STRADA: variants seen among roughly 807,000 people sequenced by gnomAD.
The protein encoded by STRADA is STE20-related kinase adapter protein alpha.
STRADA carries 26 observed loss-of-function variants against 55.0 expected under a neutral mutation model. The observed-to-expected ratio is 0.47, with a 90% CI of 0.35 to 0.66. STRADA has a LOEUF of 0.66. STRADA is among the 30% of genes least tolerant of loss of function. The pLI is 0.01. For synonymous variants in STRADA, 197 were observed against 210.9 expected (o/e 0.93, Z 0.57); for missense variants, 443 against 549.7 (o/e 0.81, Z 1.94).
chr17:63,741,108 G>C (rs2038908906), intron 1 of STRADA: 1 of 141,378 alleles, frequency 7.1e-6, no homozygotes, highest in Non-Finnish European at 1.6e-5. Flanking sequence ...GGATACAGGA[G>C]AAGGCTGGGC....
intron 6 of STRADA, among the ~76,000 whole-genome samples, chr17:63,712,228 T>C (rs2036548039): frequency 1.3e-5 from 2 of 152,122 alleles, no homozygotes; most frequent in South Asian, 4.1e-4. Context: ...CCGTTTTGTT[T>C]TGTTTTATTT....
chr17:63,731,244 T>C (rs940760607), intron 1 of STRADA, among the ~76,000 whole-genome samples: 31 of 138,876 alleles, frequency 2.2e-4, no homozygotes, highest in Non-Finnish European at 3.5e-4. Context: ...CACCTGGCCC[T>C]GATATTCTTT....
At chr17:63,705,728 T>C (rs985777443) in intron 10 of STRADA, 3 of 152,342 alleles carry the variant, frequency 2.0e-5, no homozygotes, top group African/African-American at 7.2e-5. Context: ...TGGCCATTTA[T>C]ACCATTTACA....
chr17:63,718,397 C>T (rs557336990), intron 4 of STRADA, among the ~76,000 whole-genome samples: 2 of 152,326 alleles, frequency 1.3e-5, no homozygotes, highest in South Asian at 4.1e-4. Context: ...GACAACTCTC[C>T]ATCGGTTTAG....
At chr17:63,732,891 T>C (rs1255123907) in intron 1 of STRADA, among the ~76,000 whole-genome samples, 1 of 151,700 alleles carries the variant, frequency 6.6e-6, no homozygotes, top group Non-Finnish European at 1.5e-5. Context: ...CTAAAAACCA[T>C]TTTCTTTTTG....
In STRADA at chr17:63,710,540, C is replaced by T. The variant is rs1451479267; in HGVS notation, c.532G>A (p.Gly178Arg). ...ATGTAGTCGAGGGCCTTCAGCACCC[C>T]CTGCAGGATGTAAGCAATCGCCAGC... ...NELAIAYILQGVLKALDYIHH... is the reference protein window; with the variant it reads ...NELAIAYILQRVLKALDYIHH... Residue 178 changes from glycine (G) to arginine (R), a missense_variant, in exon 8 of 13, where the codon GGG becomes AGG. Coordinates refer to ENST00000336174, the MANE Select transcript of STRADA (RefSeq NM_001003787.4). The T allele has an allele frequency of 2.5e-6, 4 of 1,613,840 alleles. No homozygotes were observed. The highest frequency in any genetic ancestry group is 1.3e-5 in the African/African-American group (1 of 74,882).
chr17:63,706,877 G>A, intron 9 of STRADA, 138 bp from the exon 10 acceptor site: 2 of 675,190 alleles, frequency 3.0e-6, no homozygotes, highest in Admixed American at 2.8e-5. Context: ...CTGTGCTACT[G>A]AAGACTAACT....
intron 8 of STRADA, among the ~76,000 whole-genome samples, chr17:63,709,410 A>G (rs113378958): frequency 4.6e-5 from 7 of 152,168 alleles, no homozygotes; most frequent in East Asian, 3.9e-4. Context: ...TGTAAACTTC[A>G]TATCTTTGGC....
At chr17:63,712,827 C>G (rs1303946111) in intron 6 of STRADA, among the ~76,000 whole-genome samples, 1 of 151,630 alleles carries the variant, frequency 6.6e-6, no homozygotes. Context: ...ATGAAGAAAC[C>G]CCGTCTTTTC....
chr17:63,735,944 CTTTTT>C (rs937790937), intron 1 of STRADA, among the ~76,000 whole-genome samples: 1 of 149,388 alleles, frequency 6.7e-6, no homozygotes, highest in Non-Finnish European at 1.5e-5. Flanking sequence ...TTCTATTCCT[CTTTTT>C]TTTTTGAGAC....
chr17:63,708,200 CTTGTTGTTG>C (rs540530382), intron 8 of STRADA, among the ~76,000 whole-genome samples: 70 of 150,896 alleles, frequency 4.6e-4, no homozygotes, highest in Middle Eastern at 3.5e-3. Context: ...GTTTTTTGTT[CTTGTTGTTG>C]TTGTTGTTGA....
chr17:63,741,531 T>A (rs941039195), intron 1 of STRADA: 3 of 152,982 alleles, frequency 2.0e-5, no homozygotes, highest in Admixed American at 1.3e-4. Context: ...CTTCAGCGTC[T>A]CCCCGCCAGG....
At chr17:63,735,549 T>A (rs945900583) in intron 1 of STRADA, among the ~76,000 whole-genome samples, 5 of 152,220 alleles carry the variant, frequency 3.3e-5, no homozygotes, top group Non-Finnish European at 7.3e-5. Flanking sequence ...AAGATTAGAT[T>A]TCAGGTTTCT....
In STRADA at chr17:63,710,517, G is replaced by A; in HGVS notation, c.555C>T (p.Tyr185=). ...ILQGVLKALD[Y]IHHMGYVHRS... is the part of the protein sequence containing the mutation. ...TGTGTACATATCCCATGTGGTGGAT[G>A]TAGTCGAGGGCCTTCAGCACCCCCT... The change falls in exon 8 of 13, where the codon TAC becomes TAT. Residue 185 remains tyrosine, a synonymous_variant. Coordinates refer to ENST00000336174, the MANE Select transcript of STRADA (RefSeq NM_001003787.4). 1.2e-6 allele frequency: 2 copies of A among 1,613,934 alleles called. No individual in the cohort carries two copies. The highest frequency in any genetic ancestry group is 1.7e-6 in the Non-Finnish European group (2 of 1,179,882).
At chr17:63,718,451 A>G (rs2037056110) in intron 4 of STRADA, among the ~76,000 whole-genome samples, 1 of 152,112 alleles carries the variant, frequency 6.6e-6, no homozygotes, top group Admixed American at 6.6e-5. Context: ...CATTTTCTCA[A>G]CCTTATATAC....
chr17:63,718,115 G>A (rs535472454), intron 4 of STRADA, among the ~76,000 whole-genome samples: 6 of 152,120 alleles, frequency 3.9e-5, no homozygotes, highest in African/African-American at 1.2e-4. Context: ...TAGAGATGAG[G>A]TCTCCCTATG....
intron 1 of STRADA, among the ~76,000 whole-genome samples, chr17:63,735,203 C>T (rs1010680246): frequency 6.6e-6 from 1 of 152,042 alleles, no homozygotes; most frequent in Non-Finnish European, 1.5e-5. Context: ...CTATACAAAT[C>T]GTAAGAATAA....
At chr17:63,728,211 C>T (rs2037783382) in intron 2 of STRADA, 123 bp downstream of exon 2, 4 of 859,990 alleles carry the variant, frequency 4.7e-6, no homozygotes, top group Non-Finnish European at 7.2e-6. Flanking sequence ...GCCTTACTTC[C>T]TACATCCCTC....
At chr17:63,725,163 C>T (rs1347089762) in intron 3 of STRADA, among the ~76,000 whole-genome samples, 1 of 151,690 alleles carries the variant, frequency 6.6e-6, no homozygotes, top group Non-Finnish European at 1.5e-5. Flanking sequence ...ACCCGGGAGG[C>T]GGAGTTTGCA....
Sources: gnomAD v4.1 joint callset for allele counts (sites outside exome capture counted in the v4.1 genomes callset) on GRCh38, gnomAD v4.1.1 for gene constraint, MANE v1.5 for transcripts, NCBI Gene and HGNC (gene_info 2026-07-23, HGNC 2026-07-21) for gene names.